The following ACSM3 variants were observed in gnomAD, a reference collection of about 807,000 sequenced individuals.
ACSM3 encodes the protein acyl-CoA synthetase medium chain family member 3.
In ACSM3, 61 loss-of-function variants were observed where a neutral mutation model predicts 74.1. The observed-to-expected ratio is 0.82, with a 90% CI of 0.67 to 1.02. ACSM3 has a LOEUF of 1.02. ACSM3 is among the 50% of genes least tolerant of loss of function. The pLI is 0.00. For synonymous variants in ACSM3, 213 were observed against 241.5 expected, an observed-to-expected ratio of 0.88 and a Z score of 1.09; for missense variants, 660 against 697.0, an observed-to-expected ratio of 0.95 and a Z score of 0.60.
At chr16:20,766,114 A>G (rs1596507865) in intron 1 of ACSM3, among the ~76,000 whole-genome samples, 1 of 152,198 alleles carries the variant, frequency 6.6e-6, no homozygotes, top group Non-Finnish European at 1.5e-5. Context: ...TATTTGTCCA[A>G]ATTCCTGCCT....
chr16:20,792,052 T>G lies in ACSM3; in HGVS notation c.1377T>G (p.Thr459=), dbSNP rs2080611537. The G allele has an allele frequency of 4.3e-6, 7 of 1,614,064 alleles. No homozygotes were observed. The highest frequency in any genetic ancestry group is 5.9e-6 in the Non-Finnish European group (7 of 1,179,938). The change falls in exon 11 of 14, where the codon ACT becomes ACG. Residue 459 remains threonine, a synonymous_variant. Coordinates refer to ENST00000289416, the MANE Select transcript of ACSM3 (RefSeq NM_005622.4). ...ASTLRGNFYI[T]GDRGYMDKDG... is the part of the protein sequence containing the mutation. The stretch of plus-strand genomic sequence containing the variant: ...CTCTACGAGGCAATTTCTATATCAC[T>G]GGGGACAGAGGATATATGGATAAAG...
intron 4 of ACSM3, among the ~76,000 whole-genome samples, chr16:20,778,477 A>G (rs1349879309): frequency 6.6e-6 from 1 of 152,218 alleles, no homozygotes; most frequent in Non-Finnish European, 1.5e-5. Flanking sequence ...CATAGCTTAT[A>G]TTGATACGGT....
intron 9 of ACSM3, among the ~76,000 whole-genome samples, chr16:20,788,030 T>C (rs1330314169): frequency 2.0e-5 from 3 of 152,206 alleles, no homozygotes; most frequent in Non-Finnish European, 4.4e-5. Context: ...ATCAGAATGC[T>C]TAGTACATAA....
intron 1 of ACSM3, chr16:20,738,171 T>C (rs2079886963): frequency 5.0e-6 from 3 of 603,684 alleles, no homozygotes; most frequent in Non-Finnish European, 9.2e-6. Flanking sequence ...TTCATCATTA[T>C]TACTGCTTGC....
At chr16:20,721,320 G>T (rs534311173) in intron 1 of ACSM3, 1 of 152,368 alleles carries the variant, frequency 6.6e-6, no homozygotes, top group South Asian at 2.1e-4. Flanking sequence ...TGCTAGGTGT[G>T]GTTGATTAAT....
chr16:20,718,364 A>G, intron 1 of ACSM3: 1 of 951,744 alleles, frequency 1.1e-6, no homozygotes, highest in Non-Finnish European at 1.4e-6. Context: ...GCCTCTGAAG[A>G]GCACAGCTGT....
intron 7 of ACSM3, among the ~76,000 whole-genome samples, chr16:20,782,893 T>A (rs909832232): frequency 3.9e-5 from 6 of 152,176 alleles, no homozygotes; most frequent in African/African-American, 1.4e-4. Context: ...GTCCACAAGG[T>A]CCCAAGTGCA....
At chr16:20,695,985 C>A (rs1567317843) in intron 1 of ACSM3, among the ~76,000 whole-genome samples, 1 of 152,116 alleles carries the variant, frequency 6.6e-6, no homozygotes, top group Non-Finnish European at 1.5e-5. Flanking sequence ...GTGGCCCATA[C>A]AATTATAATG....
At chr16:20,726,706 C>T (rs1385076365) in intron 1 of ACSM3, among the ~76,000 whole-genome samples, 1 of 152,180 alleles carries the variant, frequency 6.6e-6, no homozygotes, top group Admixed American at 6.5e-5. Flanking sequence ...AATAGTGTGG[C>T]CTTGGACACT....
At chr16:20,779,822 A>G in intron 4 of ACSM3, 1 of 171,758 alleles carries the variant, frequency 5.8e-6, no homozygotes, top group Non-Finnish European at 1.3e-5. Flanking sequence ...CCCAGGCTGG[A>G]GTACGGTGGC....
Position 20,790,446 on chromosome 16 carries a change from G to C in ACSM3, c.1225-141G>C. On this transcript the variant is annotated intron_variant, in intron 9 of 13. Coordinates refer to ENST00000289416, the MANE Select transcript of ACSM3 (RefSeq NM_005622.4). The surrounding 1 kb of genome is among the most constrained non-coding windows in gnomAD (Gnocchi z 4.0). ...CACTCCAGCCTGGGTGACAAAGTGAGACCTTGTCTCACACACACAAAATTT... is the reference window on the plus strand; with the variant it reads ...CACTCCAGCCTGGGTGACAAAGTGACACCTTGTCTCACACACACAAAATTT... 1.4e-6 allele frequency: 1 copy of C among 730,638 alleles called. No homozygotes were observed. Among genetic ancestry groups the C allele is most frequent in the Admixed American group, 2.7e-5 (1 of 37,342 alleles). The allele number at this position is 730,638 out of a possible 1,614,324, so 45.3% of individuals were successfully genotyped here. A position where few individuals can be genotyped will look rare whatever the true frequency, so the allele number is the denominator to read the frequency against.
intron 9 of ACSM3, among the ~76,000 whole-genome samples, chr16:20,789,923 C>T (rs1487285255): frequency 2.0e-5 from 3 of 151,840 alleles, no homozygotes; most frequent in African/African-American, 7.3e-5. Context: ...ATCCACCCGC[C>T]TCGGCCTCCC....
chr16:20,702,558 A>C (rs558089846), intron 1 of ACSM3, among the ~76,000 whole-genome samples: 1 of 152,304 alleles, frequency 6.6e-6, no homozygotes, highest in African/African-American at 2.4e-5. Context: ...TTCTCTAATG[A>C]CCAGGGATGA....
chr16:20,771,397 TA>T (rs2080192489), intron 2 of ACSM3, among the ~76,000 whole-genome samples: 1 of 143,510 alleles, frequency 7.0e-6, no homozygotes, highest in African/African-American at 2.8e-5. Context: ...TTTTTTTTTT[TA>T]AGAGACAGGG....
intron 1 of ACSM3, among the ~76,000 whole-genome samples, chr16:20,699,894 G>A (rs1470759882): frequency 6.6e-6 from 1 of 152,160 alleles, no homozygotes; most frequent in Non-Finnish European, 1.5e-5. Context: ...CATTCTATGT[G>A]TGCTCCTCTT....
Position 20,755,784 on chromosome 16 carries a change from C to CG in ACSM3, c.-52+168_-52+169insG, listed in dbSNP as rs148319839. 2.5e-3 allele frequency among the ~76,000 whole-genome samples: 201 copies of CG among 80,790 alleles called. 7 individuals carry two copies. The East Asian group carries it at 0.064, about 26-fold the overall frequency. The allele number at this position is 80,790 out of a possible 152,430, so 53.0% of individuals were successfully genotyped here. On this transcript the variant is annotated intron_variant, in intron 3 of 3. Transcript: ENST00000561584. ...ATATCTCCTAATGCTATCCCTCCCC[C>CG]CCCCCCACCCCACAGCAGTCCCCAG...
intron 1 of ACSM3, chr16:20,741,481 G>GGGGGGGGGGCCCCCCCCC: frequency 1.5e-6 from 2 of 1,308,412 alleles, no homozygotes; most frequent in Non-Finnish European, 9.9e-7. Flanking sequence ...CTGGCAGCCG[G>GGGGGGGGGGCCCCCCCCC]CCCGCCCGCC....
intron 1 of ACSM3, among the ~76,000 whole-genome samples, chr16:20,708,799 C>T (rs564155521): frequency 6.6e-6 from 1 of 152,290 alleles, no homozygotes; most frequent in East Asian, 1.9e-4. Context: ...CGAAAGATCT[C>T]AAATACTCCA....
chr16:20,797,031 A>C lies in ACSM3; in HGVS notation c.*59A>C. The C allele has an allele frequency of 6.3e-7, 1 of 1,585,848 alleles. No homozygotes were observed. Among genetic ancestry groups the C allele is most frequent in the Non-Finnish European group, 8.6e-7 (1 of 1,169,584 alleles). The stretch of plus-strand genomic sequence containing the variant: ...AACATAGTATCTGTCAATCTCTAGA[A>C]ACCACAAGATGATGGAGAGGTCATA... On this transcript the variant is annotated 3_prime_UTR_variant, in exon 14 of 14. Coordinates refer to ENST00000289416, the MANE Select transcript of ACSM3 (RefSeq NM_005622.4).
Sources: allele counts gnomAD v4.1 joint callset (sites outside exome capture counted in the v4.1 genomes callset), GRCh38; gene constraint gnomAD v4.1.1; non-coding constraint Gnocchi (gnomAD v3.1); transcripts MANE v1.5; gene names NCBI Gene and HGNC (gene_info 2026-07-23, HGNC 2026-07-21).